USP24: variants seen among roughly 807,000 people sequenced by gnomAD.
USP24 encodes the protein ubiquitin specific peptidase 24, also known as ubiquitin carboxyl-terminal hydrolase 24.
A neutral mutation model predicts 361.6 loss-of-function variants in USP24; 97 were observed. That is an observed-to-expected ratio of 0.27 (90% CI 0.23 to 0.32). The LOEUF (loss-of-function observed/expected upper bound fraction) is 0.32, where lower values mean the gene tolerates loss of function less well. Ranked by LOEUF, USP24 falls within the 10% of genes least tolerant of loss-of-function variation. The probability of loss-of-function intolerance (pLI) is 1.00; values close to 1 mark genes in which losing one functional copy is unlikely to be tolerated. For missense variants in USP24, 2,353 were observed against 3,165.6 expected (o/e 0.74, Z 6.16); for synonymous variants, 1,098 against 1,124.6 (o/e 0.98, Z 0.47).
intron 1 of USP24, among the ~76,000 whole-genome samples, chr1:55,193,233 G>C (rs1373437698): frequency 6.6e-6 from 1 of 152,120 alleles, no homozygotes; most frequent in East Asian, 1.9e-4. Context: ...GATGTGCTTA[G>C]GATACATGCA....
At chr1:55,209,803 G>A (rs1385088942) in intron 1 of USP24, among the ~76,000 whole-genome samples, 1 of 151,674 alleles carries the variant, frequency 6.6e-6, no homozygotes, top group Admixed American at 6.6e-5. Flanking sequence ...AAAATTTCCA[G>A]GAAAACTGAA....
chr1:55,076,661 C>G (rs1645036367), intron 62 of USP24, among the ~76,000 whole-genome samples: 1 of 152,186 alleles, frequency 6.6e-6, no homozygotes, highest in African/African-American at 2.4e-5. Context: ...CCTAAATGGT[C>G]TTCTAGTTCC....
At chr1:55,179,998 T>C (rs1643915733) in intron 1 of USP24, among the ~76,000 whole-genome samples, 1 of 152,208 alleles carries the variant, frequency 6.6e-6, no homozygotes, top group South Asian at 2.1e-4. Flanking sequence ...GTTTAAAATA[T>C]TTTACAAGGC....
Position 55,137,576 on chromosome 1 carries a change from G to C in USP24, c.3140C>G (p.Ser1047Cys). ...GCTGCTGCTGCTGGAGCTGGTTGAA[G>C]AATCTGCTGAACTCCCAGATGGGGT... ...SGTPSGSSAD[S>C]STSSSSSSSG... The change falls in exon 28 of 68, where the codon TCT becomes TGT. Residue 1047 changes from serine to cysteine, a missense_variant. Transcript: ENST00000294383. 1 of 1,613,378 alleles carries C rather than the reference G, an allele frequency of 6.2e-7. No individual in the cohort carries two copies. The highest frequency in any genetic ancestry group is 8.5e-7 in the Non-Finnish European group (1 of 1,179,636).
chr1:55,146,921 CT>C lies in USP24; in HGVS notation c.2250+7del, dbSNP rs756070625. The C allele has an allele frequency of 5.6e-6, 9 of 1,611,206 alleles. No individual in the cohort carries two copies. The highest frequency in any genetic ancestry group is 7.6e-6 in the Non-Finnish European group (9 of 1,178,426). On this transcript the variant is annotated splice_region_variant and intron_variant, in intron 19 of 67. Transcript: ENST00000294383. ...TGCCTTACTTTATCCACAATACCAC[CT>C]TCTTACCTCTCTATCTAATTCACAA...
intron 48 of USP24, 34 bp downstream of exon 48, chr1:55,097,564 G>C (rs1203224005): frequency 2.0e-6 from 3 of 1,524,684 alleles, no homozygotes; most frequent in Non-Finnish European, 2.6e-6. Context: ...GGAAATGAAT[G>C]GTTGTGAAAA....
intron 24 of USP24, among the ~76,000 whole-genome samples, chr1:55,140,130 T>TA (rs1646846601): frequency 6.6e-6 from 1 of 152,096 alleles, no homozygotes; most frequent in Non-Finnish European, 1.5e-5. Context: ...TAACCCTATT[T>TA]AGAGTTTATA....
At chr1:55,115,258 C>A (rs1001606135) in intron 38 of USP24, among the ~76,000 whole-genome samples, 2 of 151,906 alleles carry the variant, frequency 1.3e-5, no homozygotes, top group Non-Finnish European at 2.9e-5. Flanking sequence ...GTGGCTCACG[C>A]CTGTAATCCC....
In USP24 at chr1:55,215,191, C is replaced by T; in HGVS notation, c.-78G>A. 8.8e-7 allele frequency: 1 copy of T among 1,139,546 alleles called. No individual in the cohort carries two copies. Among genetic ancestry groups the T allele is most frequent in the Non-Finnish European group, 1.1e-6 (1 of 913,932 alleles). 70.6% of individuals were successfully genotyped at this position (1,139,546 alleles called of 1,614,324 possible). A position where few individuals can be genotyped will look rare whatever the true frequency, so the allele number is the denominator to read the frequency against. On this transcript the variant is annotated 5_prime_UTR_variant, in exon 1 of 68. Coordinates refer to ENST00000294383, the MANE Select transcript of USP24 (RefSeq NM_015306.3). ...GGGCCTGGCGGGCCGCGCGGCGCACCCTCCGCGCCGCCTCCGCGCCCAGGT... is the reference window on the plus strand; with the variant it reads ...GGGCCTGGCGGGCCGCGCGGCGCACTCTCCGCGCCGCCTCCGCGCCCAGGT...
At chr1:55,122,561 CAAG>C (rs1646312675) in intron 36 of USP24, among the ~76,000 whole-genome samples, 2 of 152,014 alleles carry the variant, frequency 1.3e-5, no homozygotes, top group Admixed American at 1.3e-4. Flanking sequence ...AAGGCAGAAG[CAAG>C]AAGATGAGTT....
At chr1:55,076,076 A>C (rs1645026256) in intron 62 of USP24, among the ~76,000 whole-genome samples, 1 of 152,246 alleles carries the variant, frequency 6.6e-6, no homozygotes. Context: ...GTTATACTTA[A>C]AGGTCTATTC....
chr1:55,162,678 G>C (rs1362574661), intron 7 of USP24, among the ~76,000 whole-genome samples: 1 of 151,858 alleles, frequency 6.6e-6, no homozygotes, highest in Non-Finnish European at 1.5e-5. Context: ...CAAATAAATG[G>C]GGAGACACCA....
At position 55,092,861 on chromosome 1, in the gene USP24, T is replaced by A; in HGVS notation, c.6410A>T (p.Asp2137Val). Reference protein sequence around the residue: ...FMKNRDVYSSDYFSFVLSLAS... With the variant: ...FMKNRDVYSSVYFSFVLSLAS... ...TAAAGACAAAACAAAACTGAAATAA[T>A]CACTACTGTATACATCTCTATTCTT... The change falls in exon 53 of 68, where the codon GAT (aspartate) becomes GTT (valine). Residue 2137 changes from aspartate to valine, a missense_variant. Around this residue, in one of 8 missense-constraint regions of USP24, gnomAD observed 598 missense variants for 761.9 expected, o/e 0.78. Transcript: ENST00000294383. The A allele has an allele frequency of 6.2e-7, 1 of 1,601,448 alleles. No individual in the cohort carries two copies. The highest frequency in any genetic ancestry group is 8.5e-7 in the Non-Finnish European group (1 of 1,175,246).
At position 55,132,133 on chromosome 1, in the gene USP24, C is replaced by T. The variant is rs117246813; in HGVS notation, c.3537+412G>A. Among the ~76,000 whole-genome samples the T allele has an allele frequency of 4.4e-4, 67 of 152,266 alleles. No homozygotes were observed. In the East Asian group the frequency reaches 0.011, roughly 25 times the overall value. Reference sequence around the variant, plus strand: ...CTTCTTTTGGGGAGGCTAATTACAACGAACTGAGTGTTTGTATTCCCCTAA... The same window carrying T: ...CTTCTTTTGGGGAGGCTAATTACAATGAACTGAGTGTTTGTATTCCCCTAA... On this transcript the variant is annotated intron_variant, in intron 31 of 67. Transcript: ENST00000294383.
chr1:55,153,726 A>G (rs1647333793), intron 16 of USP24, 144 bp downstream of exon 16: 7 of 915,352 alleles, frequency 7.6e-6, no homozygotes, highest in Non-Finnish European at 9.7e-6. Flanking sequence ...AGCATAGGTC[A>G]TAAACAAATT....
chr1:55,195,462 A>C (rs1644390765), intron 1 of USP24, among the ~76,000 whole-genome samples: 1 of 152,216 alleles, frequency 6.6e-6, no homozygotes, highest in Non-Finnish European at 1.5e-5. Context: ...GAGGCTATGA[A>C]TACATCTATG....
intron 45 of USP24, among the ~76,000 whole-genome samples, chr1:55,098,982 A>C (rs1645562175): frequency 6.6e-6 from 1 of 152,206 alleles, no homozygotes; most frequent in Non-Finnish European, 1.5e-5. Context: ...AGAAGGCAAT[A>C]CCGTTTAGGA....
chr1:55,122,982 G>A (rs1260383898), intron 36 of USP24, among the ~76,000 whole-genome samples: 1 of 152,140 alleles, frequency 6.6e-6, no homozygotes, highest in African/African-American at 2.4e-5. Flanking sequence ...TGGAGATAGA[G>A]AAGAGATGAT....
chr1:55,147,809 A>G lies in USP24; in HGVS notation c.1969-11T>C, dbSNP rs932728777. 5 of 1,609,488 alleles carry G rather than the reference A, an allele frequency of 3.1e-6. No homozygotes were observed. Among genetic ancestry groups the G allele is most frequent in the East Asian group, 2.2e-5 (1 of 44,696 alleles). ...GTCTTGAATAATGCTCTTGGCGAAA[A>G]TAACAAAAAGAAAAGTGGTAATGAG... On this transcript the variant is annotated splice_polypyrimidine_tract_variant and intron_variant, in intron 17 of 67. Transcript: ENST00000294383.
Sources: gnomAD v4.1 joint callset for allele counts (sites outside exome capture counted in the v4.1 genomes callset) on GRCh38, gnomAD v4.1.1 for gene constraint, gnomAD v4.1.1 regional missense constraint, MANE v1.5 for transcripts, NCBI Gene and HGNC (gene_info 2026-07-23, HGNC 2026-07-21) for gene names.